TMEM150C: variants seen among roughly 807,000 people sequenced by gnomAD.
The protein encoded by TMEM150C is tentonin 3.
In TMEM150C, 10 loss-of-function variants were observed where a neutral mutation model predicts 29.9. That is an observed-to-expected ratio of 0.33 (90% CI 0.21 to 0.57). The LOEUF (loss-of-function observed/expected upper bound fraction) is 0.57, where lower values mean the gene tolerates loss of function less well. Ranked by LOEUF, TMEM150C falls within the 20% of genes least tolerant of loss-of-function variation. The pLI is 0.88. For synonymous variants in TMEM150C, 101 were observed against 112.5 expected (o/e 0.90, Z 0.64); for missense variants, 251 against 303.6 (o/e 0.83, Z 1.29).
chr4:82,492,864 G>GTGTATATATATATATA (rs71666742), intron 6 of TMEM150C, among the ~76,000 whole-genome samples: 35 of 90,252 alleles, frequency 3.9e-4, no homozygotes, highest in African/African-American at 1.3e-3. Context: ...ATATGTTTGT[G>GTGTATATATATATATA]TATATATATA....
intron 6 of TMEM150C, chr4:82,495,756 C>A: frequency 2.7e-6 from 1 of 371,144 alleles, no homozygotes; most frequent in South Asian, 2.9e-5. Flanking sequence ...CCACATAACC[C>A]TTCCATTCTT....
At chr4:82,493,296 A>G (rs777940311) in intron 6 of TMEM150C, among the ~76,000 whole-genome samples, 7 of 152,072 alleles carry the variant, frequency 4.6e-5, no homozygotes, top group Non-Finnish European at 8.8e-5. Context: ...AAATAATGAT[A>G]TCTGAAATCA....
chr4:82,502,026 C>G (rs773940261), intron 5 of TMEM150C, among the ~76,000 whole-genome samples: 87 of 152,068 alleles, frequency 5.7e-4, no homozygotes, highest in Non-Finnish European at 9.4e-4. Flanking sequence ...ACTGGGAAAG[C>G]CTGGCACTGA....
chr4:82,498,228 T>C (rs751122498), intron 5 of TMEM150C, among the ~76,000 whole-genome samples: 11 of 151,946 alleles, frequency 7.2e-5, no homozygotes, highest in Admixed American at 6.6e-5. Context: ...TTGGTCAGGC[T>C]GGTCTTGAAC....
intron 1 of TMEM150C, among the ~76,000 whole-genome samples, chr4:82,517,494 C>T (rs910123080): frequency 2.0e-5 from 3 of 152,168 alleles, no homozygotes; most frequent in Non-Finnish European, 2.9e-5. Context: ...TCACCCAATC[C>T]ATTGAGGGCC....
chr4:82,491,146 C>T (rs572156761), intron 6 of TMEM150C: 4 of 702,158 alleles, frequency 5.7e-6, no homozygotes, highest in African/African-American at 3.5e-5. Context: ...GGATCCACAT[C>T]GTGTGCAATC....
intron 1 of TMEM150C, among the ~76,000 whole-genome samples, chr4:82,524,717 C>A (rs1479454621): frequency 6.6e-6 from 1 of 152,162 alleles, no homozygotes; most frequent in East Asian, 1.9e-4. Flanking sequence ...GAGACAGACA[C>A]AATTACGTAA....
intron 1 of TMEM150C, among the ~76,000 whole-genome samples, chr4:82,514,885 C>T (rs369094481): frequency 3.4e-4 from 51 of 152,070 alleles, no homozygotes; most frequent in South Asian, 3.3e-3. Flanking sequence ...CCACCATGGA[C>T]TGTTATGTGA....
chr4:82,550,793 A>C (rs1287851086), intron 1 of TMEM150C, among the ~76,000 whole-genome samples: 2 of 151,582 alleles, frequency 1.3e-5, no homozygotes, highest in African/African-American at 4.9e-5. Context: ...CCGTCTCAAA[A>C]AAAAAAAAAG....
chr4:82,552,348 T>G (rs912576028), intron 1 of TMEM150C, among the ~76,000 whole-genome samples: 2 of 152,218 alleles, frequency 1.3e-5, no homozygotes, highest in Non-Finnish European at 2.9e-5. Flanking sequence ...AGATCCTGCA[T>G]TTTTCCTTCT....
intron 2 of TMEM150C, among the ~76,000 whole-genome samples, chr4:82,504,206 C>A (rs1419565964): frequency 1.3e-5 from 2 of 151,926 alleles, no homozygotes; most frequent in Non-Finnish European, 2.9e-5. Context: ...ATGCCATCTA[C>A]TATTTTTTGG....
At chr4:82,549,930 C>A (rs1725514099) in intron 1 of TMEM150C, among the ~76,000 whole-genome samples, 1 of 152,106 alleles carries the variant, frequency 6.6e-6, no homozygotes, top group South Asian at 2.1e-4. Flanking sequence ...GAGCAAAAAC[C>A]CTGGACCCAA....
In TMEM150C at chr4:82,492,808, AAAC is replaced by A. The variant is rs1171873300; in HGVS notation, c.364-2573_364-2571del. ...CCACTTCTCCAAAAAAAAAAAAAAA[AAAC>A]AACAAAGTCTATCCATATCCACATC... On this transcript the variant is annotated intron_variant, in intron 6 of 7. Transcript: ENST00000449862. Among the ~76,000 whole-genome samples, 740 of 119,202 alleles carry A rather than the reference AAAC, an allele frequency of 6.2e-3. 62 individuals are homozygous for A. Among genetic ancestry groups the A allele is most frequent in the Admixed American group, 0.052 (629 of 12,170 alleles). 78.2% of individuals were successfully genotyped at this position (119,202 alleles called of 152,430 possible).
chr4:82,497,661 A>G (rs982993793), intron 5 of TMEM150C, among the ~76,000 whole-genome samples: 8 of 152,254 alleles, frequency 5.3e-5, no homozygotes, highest in African/African-American at 1.9e-4. Context: ...TGCTTCAGCT[A>G]GTACCGACTA....
At chr4:82,531,207 C>G (rs2110082889) in intron 1 of TMEM150C, among the ~76,000 whole-genome samples, 1 of 152,096 alleles carries the variant, frequency 6.6e-6, no homozygotes, top group South Asian at 2.1e-4. Context: ...AAATAAGGTG[C>G]CTGAAGAAAC....
At chr4:82,528,608 T>C (rs1724734294) in intron 1 of TMEM150C, among the ~76,000 whole-genome samples, 1 of 149,718 alleles carries the variant, frequency 6.7e-6, no homozygotes, top group Non-Finnish European at 1.5e-5. Flanking sequence ...CTCGTCCCTT[T>C]TTTTTTTTTT....
At chr4:82,501,055 C>A (rs1319443466) in intron 5 of TMEM150C, among the ~76,000 whole-genome samples, 1 of 152,254 alleles carries the variant, frequency 6.6e-6, no homozygotes, top group Non-Finnish European at 1.5e-5. Context: ...AGGTCCCTGA[C>A]CCTACCATTC....
In TMEM150C at chr4:82,540,616, C is replaced by T. The variant is rs527930905; in HGVS notation, c.-11+21290G>A. Among the ~76,000 whole-genome samples the T allele has an allele frequency of 2.6e-5, 4 of 152,146 alleles. No homozygotes were observed. In the South Asian group the frequency reaches 8.3e-4, roughly 32 times the overall value. On this transcript the variant is annotated intron_variant, in intron 1 of 7. Coordinates refer to ENST00000449862, the MANE Select transcript of TMEM150C (RefSeq NM_001080506.3). ...AAGCTCTGTGGTTATTTAAAAGAAG[C>T]ACCCATTGAAACGTTTTTATTTACA...
intron 1 of TMEM150C, among the ~76,000 whole-genome samples, chr4:82,557,077 A>G (rs1021095235): frequency 3.3e-5 from 5 of 152,194 alleles, no homozygotes; most frequent in African/African-American, 1.2e-4. Context: ...GAAACATGAG[A>G]GGCAGTGTCT....
Sources: allele counts gnomAD v4.1 joint callset (sites outside exome capture counted in the v4.1 genomes callset), GRCh38; gene constraint gnomAD v4.1.1; transcripts MANE v1.5; gene names NCBI Gene and HGNC (gene_info 2026-07-23, HGNC 2026-07-21).